Variants in CDKN2A observed in about 807,000 individuals in gnomAD.
The protein encoded by CDKN2A is cyclin-dependent kinase inhibitor 2A.
A neutral mutation model predicts 11.1 loss-of-function variants in CDKN2A; 3 were observed. The observed-to-expected ratio is 0.27, with a 90% CI of 0.12 to 0.70. The LOEUF (loss-of-function observed/expected upper bound fraction) is 0.70. CDKN2A is among the 30% of genes least tolerant of loss of function. CDKN2A has a pLI of 0.77. For synonymous variants in CDKN2A, 122 were observed against 108.1 expected, an observed-to-expected ratio of 1.13 and a Z score of -0.80; for missense variants, 265 against 233.6, an observed-to-expected ratio of 1.13 and a Z score of -0.88.
chr9:21,974,966 G>A (rs1036290480), upstream of CDKN2A: 45 of 1,416,012 alleles, frequency 3.2e-5, no homozygotes, highest in African/African-American at 6.7e-4. The surrounding 1 kb of genome is among the most constrained non-coding windows in gnomAD (Gnocchi z 5.2). Flanking sequence ...CTCCGACCCT[G>A]TCCCTCAAAT....
In CDKN2A at chr9:21,974,575, T is replaced by G. The variant is rs1222753293; in HGVS notation, c.150+103A>C. 1 of 1,613,640 alleles carries G rather than the reference T, an allele frequency of 6.2e-7. No individual in the cohort carries two copies. The highest frequency in any genetic ancestry group is 2.2e-5 in the East Asian group (1 of 44,886). The stretch of plus-strand genomic sequence containing the variant: ...GAAAACTCCCCAGGAAGCCTCCCCT[T>G]TTTCCGGAGAATCGAAGCGCTACCT... On this transcript the variant is annotated intron_variant, in intron 1 of 2. Transcript: ENST00000304494. This position sits in a 1 kb window ranked among gnomAD's most constrained non-coding sequence, Gnocchi z 5.2.
chr9:21,968,624 C>T lies in CDKN2A; in HGVS notation c.458-382G>A. The T allele has an allele frequency of 2.6e-6, 4 of 1,516,670 alleles. No individual in the cohort carries two copies. Among genetic ancestry groups the T allele is most frequent in the Non-Finnish European group, 3.5e-6 (4 of 1,136,900 alleles). The allele number at this position is 1,516,670 out of a possible 1,614,324, so 94.0% of individuals were successfully genotyped here. Reference sequence around the variant, plus strand: ...ATGTGGCCTTTCCCTTCCCGCATCCCCAGGCATCTTTTGCACCTGGTGCGG... The same window carrying T: ...ATGTGGCCTTTCCCTTCCCGCATCCTCAGGCATCTTTTGCACCTGGTGCGG... On this transcript the variant is annotated intron_variant, in intron 2 of 2. Coordinates refer to ENST00000304494, the MANE Select transcript of CDKN2A (RefSeq NM_000077.5). This position sits in a 1 kb window ranked among gnomAD's most constrained non-coding sequence, Gnocchi z 4.7.
chr9:21,982,871 CA>C (rs35784582), intron 2 of CDKN2A, among the ~76,000 whole-genome samples: 6,467 of 143,544 alleles, frequency 0.045, 361 homozygotes, highest in African/African-American at 0.13. Context: ...ATAATGCAGA[CA>C]AAAAAAAAAG....
chr9:21,975,132 C>G (rs1819986495), upstream of CDKN2A: 3 of 1,228,978 alleles, frequency 2.4e-6, no homozygotes, highest in Non-Finnish European at 2.0e-6. Context: ...AAGCAGCCCT[C>G]GCCAGAGCCA....
chr9:21,983,057 G>C (rs1368396289), intron 2 of CDKN2A, among the ~76,000 whole-genome samples: 1 of 152,076 alleles, frequency 6.6e-6, no homozygotes, highest in Non-Finnish European at 1.5e-5. Flanking sequence ...TTTAGAGCAA[G>C]TTGCAAAACC....
intron 2 of CDKN2A, among the ~76,000 whole-genome samples, chr9:21,986,822 T>C (rs758066313): frequency 6.6e-6 from 1 of 152,052 alleles, no homozygotes; most frequent in Non-Finnish European, 1.5e-5. Context: ...GTAAATTGCA[T>C]GGAGTAAAAT....
chr9:21,973,459 T>C (rs1195150150), intron 1 of CDKN2A, among the ~76,000 whole-genome samples: 1 of 152,228 alleles, frequency 6.6e-6, no homozygotes, highest in African/African-American at 2.4e-5. Flanking sequence ...TCCACTTTTC[T>C]TTTTCCTTTT....
At chr9:21,987,593 T>TC (rs1563899148) in intron 2 of CDKN2A, among the ~76,000 whole-genome samples, 1 of 152,106 alleles carries the variant, frequency 6.6e-6, no homozygotes, top group Non-Finnish European at 1.5e-5. Flanking sequence ...TATATTTTTT[T>TC]CTCTCAAACT....
At chr9:21,981,692 T>G (rs989095653) in intron 2 of CDKN2A, among the ~76,000 whole-genome samples, 1 of 151,470 alleles carries the variant, frequency 6.6e-6, no homozygotes, top group African/African-American at 2.4e-5. Context: ...ATCACAAACA[T>G]GTAAAAACAG....
At position 21,970,884 on chromosome 9, in the gene CDKN2A, C is replaced by G. The variant is rs775480109; in HGVS notation, c.457+18G>C. The G allele has an allele frequency of 6.2e-7, 1 of 1,609,902 alleles. No individual in the cohort carries two copies. The highest frequency in any genetic ancestry group is 8.5e-7 in the Non-Finnish European group (1 of 1,179,872). ...TGGAAGCTCTCAGGGTACAAATTCT[C>G]AGATCATCAGTCCTCACCTGAGGGA... On this transcript the variant is annotated intron_variant, in intron 2 of 2. Transcript: ENST00000304494.
intron 2 of CDKN2A, among the ~76,000 whole-genome samples, chr9:21,979,891 C>G (rs544774753): frequency 9.9e-5 from 15 of 152,090 alleles, no homozygotes; most frequent in African/African-American, 3.6e-4. Context: ...CTTCAGCAAC[C>G]CTACAAATCA....
At chr9:21,993,334 C>G (rs956940094) in intron 2 of CDKN2A, among the ~76,000 whole-genome samples, 16 of 152,150 alleles carry the variant, frequency 1.1e-4, no homozygotes, top group Non-Finnish European at 1.9e-4. Flanking sequence ...ACAAAACTAC[C>G]TTGGATTCTG....
In CDKN2A at chr9:21,969,112, C is replaced by T. The variant is rs186068272; in HGVS notation, c.458-870G>A. On this transcript the variant is annotated intron_variant, in intron 2 of 2. Transcript: ENST00000304494. The stretch of plus-strand genomic sequence containing the variant: ...GAAAATAGATTGTTATCTTCCTTAA[C>T]GTCTGTTTCCCAGGTCGGGCAAGAT... 2.1e-3 allele frequency among the ~76,000 whole-genome samples: 319 copies of T among 152,312 alleles called. 2 individuals are homozygous for T. Among genetic ancestry groups the T allele is most frequent in the Non-Finnish European group, 3.3e-3 (225 of 68,036 alleles).
At chr9:21,983,588 A>G (rs1820242658) in intron 2 of CDKN2A, among the ~76,000 whole-genome samples, 1 of 152,080 alleles carries the variant, frequency 6.6e-6, no homozygotes, top group Non-Finnish European at 1.5e-5. Flanking sequence ...GCTCTTGAAT[A>G]TATTGTAAAA....
chr9:21,988,203 C>T lies in CDKN2A; in HGVS notation c.-4+5679G>A, dbSNP rs187373085. 4.6e-5 allele frequency among the ~76,000 whole-genome samples: 7 copies of T among 152,150 alleles called. No individual in the cohort carries two copies. Among genetic ancestry groups the T allele is most frequent in the African/African-American group, 1.7e-4 (7 of 41,510 alleles). The stretch of plus-strand genomic sequence containing the variant: ...TAAAAAAATCCTACTGCCTTCACAA[C>T]CATTTAAATAATTTATGATATTTTA... On this transcript the variant is annotated intron_variant, in intron 2 of 3. Coordinates refer to the CDKN2A transcript ENST00000494262. This position sits in a 1 kb window ranked among gnomAD's most constrained non-coding sequence, Gnocchi z 4.1.
chr9:21,993,822 T>C, intron 2 of CDKN2A: 1 of 468,706 alleles, frequency 2.1e-6, no homozygotes, highest in Non-Finnish European at 3.9e-6. Context: ...TGTGTGTGTG[T>C]GTGTGTGTGT....
chr9:21,984,624 A>C (rs1820264069), intron 2 of CDKN2A, among the ~76,000 whole-genome samples: 1 of 151,982 alleles, frequency 6.6e-6, no homozygotes. Flanking sequence ...GATAATGTTG[A>C]AAGTCACAGA....
At position 21,968,057 on chromosome 9, in the gene CDKN2A, G is replaced by T; in HGVS notation, c.*172C>A. 1.5e-6 allele frequency: 1 copy of T among 658,682 alleles called. No individual in the cohort carries two copies. Among genetic ancestry groups the T allele is most frequent in the Non-Finnish European group, 2.8e-6 (1 of 361,130 alleles). The allele number at this position is 658,682 out of a possible 1,614,324, so 40.8% of individuals were successfully genotyped here. A position where few individuals can be genotyped will look rare whatever the true frequency, so the allele number is the denominator to read the frequency against. On this transcript the variant is annotated 3_prime_UTR_variant, in exon 3 of 3. Transcript: ENST00000304494. The surrounding 1 kb of genome is among the most constrained non-coding windows in gnomAD (Gnocchi z 4.7). Reference sequence around the variant, plus strand: ...GATATAAATGGACATTTACGGTAGTGGGGGAAGGCATATATCTACGTTAAA... The same window carrying T: ...GATATAAATGGACATTTACGGTAGTTGGGGAAGGCATATATCTACGTTAAA...
chr9:21,979,284 T>G (rs533370741), upstream of CDKN2A, among the ~76,000 whole-genome samples: 37 of 152,264 alleles, frequency 2.4e-4, no homozygotes, highest in African/African-American at 8.7e-4. Flanking sequence ...GATAATGGGA[T>G]GGCAAGGAAG....
Sources: allele counts gnomAD v4.1 joint callset (sites outside exome capture counted in the v4.1 genomes callset), GRCh38; gene constraint gnomAD v4.1.1; non-coding constraint Gnocchi (gnomAD v3.1); transcripts MANE v1.5; gene names NCBI Gene and HGNC (gene_info 2026-07-23, HGNC 2026-07-21).